HOOK1: variants seen among roughly 807,000 people sequenced by gnomAD.
The protein encoded by HOOK1 is hook microtubule tethering protein 1.
A neutral mutation model predicts 112.8 loss-of-function variants in HOOK1; 60 were observed. That is an observed-to-expected ratio of 0.53 (90% CI 0.43 to 0.66). HOOK1 has a LOEUF of 0.66. HOOK1 is among the 30% of genes least tolerant of loss of function. HOOK1 has a pLI of 0.00. For missense variants in HOOK1, 770 were observed against 856.0 expected, an observed-to-expected ratio of 0.90 and a Z score of 1.25; for synonymous variants, 294 against 283.8, an observed-to-expected ratio of 1.04 and a Z score of -0.36.
intron 7 of HOOK1, 143 bp downstream of exon 7, chr1:59,837,078 T>C (rs2098398227): frequency 5.7e-6 from 3 of 526,590 alleles, no homozygotes; most frequent in African/African-American, 3.8e-5. Context: ...ATGATCCCAA[T>C]TGAATGGCAG....
intron 12 of HOOK1, among the ~76,000 whole-genome samples, chr1:59,856,996 C>G (rs902911648): frequency 6.6e-6 from 1 of 152,162 alleles, no homozygotes; most frequent in African/African-American, 2.4e-5. Flanking sequence ...TTTCTCAGAT[C>G]TTTCTTGCAA....
chr1:59,821,736 A>C, intron 1 of HOOK1, 122 bp from the exon 2 acceptor site: 1 of 663,096 alleles, frequency 1.5e-6, no homozygotes, highest in South Asian at 2.2e-5. Flanking sequence ...ACATTTAAAC[A>C]AAACAGGACC....
chr1:59,829,452 C>A (rs2098392237), intron 3 of HOOK1, among the ~76,000 whole-genome samples: 2 of 151,980 alleles, frequency 1.3e-5, no homozygotes, highest in African/African-American at 4.8e-5. Context: ...TAAGTATGTG[C>A]TTAACCTTAT....
At chr1:59,868,054 T>G (rs1267761458) in intron 19 of HOOK1, among the ~76,000 whole-genome samples, 196 bp from the exon 20 acceptor site, 1 of 152,160 alleles carries the variant, frequency 6.6e-6, no homozygotes, top group Non-Finnish European at 1.5e-5. Context: ...TTGTACTGAA[T>G]TTTTGTACTG....
intron 12 of HOOK1, among the ~76,000 whole-genome samples, chr1:59,854,013 TATATATATATATATATATA>T (rs2098408724): frequency 5.1e-5 from 1 of 19,708 alleles, no homozygotes; most frequent in African/African-American, 2.1e-4. Flanking sequence ...TATATATATA[TATATATATATATATATATA>T]TATATATTTT....
At chr1:59,822,928 A>G (rs1197426000) in intron 2 of HOOK1, among the ~76,000 whole-genome samples, 1 of 152,260 alleles carries the variant, frequency 6.6e-6, no homozygotes, top group African/African-American at 2.4e-5. Context: ...TATGATTAAT[A>G]CTTTAAAAGA....
intron 15 of HOOK1, among the ~76,000 whole-genome samples, chr1:59,862,010 A>G (rs1020987673): frequency 1.3e-5 from 2 of 152,206 alleles, no homozygotes; most frequent in African/African-American, 2.4e-5. Flanking sequence ...ACTCAGTTCA[A>G]TACCAGTTGT....
rs1000186767 is a variant in HOOK1, at chr1:59,848,375, A to G, written c.990A>G (p.Leu330=). Residue 330 remains leucine (L), a synonymous_variant, in exon 11 of 22, where the codon CTA becomes CTG. Coordinates refer to ENST00000371208, the MANE Select transcript of HOOK1 (RefSeq NM_015888.6). Reference sequence around the variant, plus strand: ...CAGTTGAGATATATCGTCAGAAGCTACAAGATCTGAATGACCTTCGCAAGC... The same window carrying G: ...CAGTTGAGATATATCGTCAGAAGCTGCAAGATCTGAATGACCTTCGCAAGC... ...ESTVEIYRQK[L]QDLNDLRKQV... is the part of the protein sequence containing the mutation. 7 of 1,611,322 alleles carry G rather than the reference A, an allele frequency of 4.3e-6. No individual in the cohort carries two copies. Among genetic ancestry groups the G allele is most frequent in the Non-Finnish European group, 5.9e-6 (7 of 1,178,154 alleles).
At chr1:59,849,223 C>A (rs771665476) in intron 12 of HOOK1, 40 bp downstream of exon 12, 9 of 1,375,808 alleles carry the variant, frequency 6.5e-6, no homozygotes, top group South Asian at 3.8e-5. Flanking sequence ...TTTCATTGTT[C>A]TTTTAGTTTT....
Position 59,832,250 on chromosome 1 carries a change from G to A in HOOK1, c.273+37G>A, listed in dbSNP as rs777475045. On this transcript the variant is annotated intron_variant, in intron 4 of 21. Coordinates refer to ENST00000371208, the MANE Select transcript of HOOK1 (RefSeq NM_015888.6). ...ATCTGACTTTGTTTAAATGCATCAT[G>A]CTATACGAAAATTACTTTAAGACTG... The A allele has an allele frequency of 7.1e-6, 9 of 1,275,286 alleles. No individual in the cohort carries two copies. The African/African-American group carries it at 1.4e-4, about 20-fold the overall frequency. 79.0% of individuals were successfully genotyped at this position (1,275,286 alleles called of 1,614,324 possible).
Position 59,849,114 on chromosome 1 carries a change from G to T in HOOK1, c.1173G>T (p.Arg391Ser), listed in dbSNP as rs747403342. Residue 391 changes from arginine to serine, a missense_variant, in exon 12 of 22, where the codon AGG (arginine) becomes AGT (serine). Arg to Ser is a moderately radical substitution (Grantham distance 110). This residue lies in a region of HOOK1 where 655 missense variants were observed against 725.9 expected (regional missense o/e 0.90). Transcript: ENST00000371208. Reference protein sequence around the residue: ...LHVKLSSESKRADTLAFEMKR... With the variant: ...LHVKLSSESKSADTLAFEMKR... ...TTAAACTTTCCTCCGAATCCAAGAG[G>T]GCAGACACACTAGCGTTTGAAATGA... The T allele has an allele frequency of 1.2e-6, 2 of 1,608,964 alleles. No homozygotes were observed. The highest frequency in any genetic ancestry group is 1.7e-5 in the Admixed American group (1 of 59,724).
intron 8 of HOOK1, among the ~76,000 whole-genome samples, chr1:59,840,628 A>G (rs1000120531): frequency 6.6e-6 from 1 of 152,142 alleles, no homozygotes; most frequent in Non-Finnish European, 1.5e-5. Flanking sequence ...ACTAATTTTA[A>G]AATTTCAATT....
chr1:59,853,419 T>C lies in HOOK1; in HGVS notation c.1242+4236T>C, dbSNP rs369186397. Among the ~76,000 whole-genome samples, 251 of 152,178 alleles carry C rather than the reference T, an allele frequency of 1.6e-3. 2 individuals are homozygous for C. The highest frequency in any genetic ancestry group is 8.1e-3 in the South Asian group (39 of 4,830). On this transcript the variant is annotated intron_variant, in intron 12 of 21. Transcript: ENST00000371208. ...TTAATGTTAGTATAGCCCTGTATCT[T>C]TCTTTTGGTTACTGTTTGCATCATT...
At chr1:59,837,852 C>A (rs544480598) in intron 7 of HOOK1, among the ~76,000 whole-genome samples, 1 of 152,020 alleles carries the variant, frequency 6.6e-6, no homozygotes, top group Non-Finnish European at 1.5e-5. Flanking sequence ...CCTAGCCCCC[C>A]ACCCCCCACA....
At chr1:59,837,393 A>T (rs138489027) in intron 7 of HOOK1, among the ~76,000 whole-genome samples, 18 of 152,314 alleles carry the variant, frequency 1.2e-4, no homozygotes, top group African/African-American at 3.8e-4. Flanking sequence ...TCTGGGTTAT[A>T]GAGTAAAGGG....
chr1:59,818,579 C>T (rs2098383264), intron 1 of HOOK1, among the ~76,000 whole-genome samples: 1 of 152,094 alleles, frequency 6.6e-6, no homozygotes, highest in Non-Finnish European at 1.5e-5. Context: ...AATTCTGCTA[C>T]TTGGTTCTGT....
intron 1 of HOOK1, among the ~76,000 whole-genome samples, chr1:59,820,464 C>T (rs1434538895): frequency 6.6e-6 from 1 of 152,170 alleles, no homozygotes; most frequent in Admixed American, 6.5e-5. Flanking sequence ...CTTTGCACTG[C>T]AAATCCAGTG....
intron 15 of HOOK1, 136 bp downstream of exon 15, chr1:59,860,464 G>C: frequency 5.7e-6 from 4 of 706,856 alleles, no homozygotes; most frequent in Non-Finnish European, 8.6e-6. Flanking sequence ...ATTTTTGTTA[G>C]TAGTCTTTCA....
At chr1:59,823,597 C>T (rs534170804) in intron 2 of HOOK1, among the ~76,000 whole-genome samples, 48 of 152,258 alleles carry the variant, frequency 3.2e-4, no homozygotes, top group African/African-American at 1.1e-3. Context: ...GCTGTCCTTT[C>T]TATATGTTTT....
Sources: allele counts gnomAD v4.1 joint callset (sites outside exome capture counted in the v4.1 genomes callset), GRCh38; gene constraint gnomAD v4.1.1; regional missense constraint gnomAD v4.1.1; transcripts MANE v1.5; gene names NCBI Gene and HGNC (gene_info 2026-07-23, HGNC 2026-07-21).